Variants in FXYD6 observed in about 807,000 individuals in gnomAD.
FXYD6 encodes FXYD domain containing ion transport regulator 6, also known as FXYD domain-containing ion transport regulator 6.
In FXYD6, 7 loss-of-function variants were observed where a neutral mutation model predicts 16.7. That is an observed-to-expected ratio of 0.42 (90% CI 0.24 to 0.79). The LOEUF is 0.79. Among genes scored for constraint, FXYD6 ranks in the 30% least tolerant of loss-of-function variants. The pLI is 0.28. For missense variants in FXYD6, 111 were observed against 116.2 expected (o/e 0.95, Z 0.21); for synonymous variants, 49 against 43.0 (o/e 1.14, Z -0.54).
intron 1 of FXYD6, among the ~76,000 whole-genome samples, chr11:117,847,172 A>G (rs562378363): frequency 1.3e-5 from 2 of 152,274 alleles, no homozygotes; most frequent in South Asian, 4.1e-4. Flanking sequence ...TTGCTGGTAG[A>G]GAGAAAAGCA....
At position 117,838,232 on chromosome 11, in the gene FXYD6, G is replaced by A. The variant is rs761820841; in HGVS notation, c.*67C>T. ...GAAGTGGCCGGTTTTCTTAAGCATCGACATTTGCATCCAAAGGTTCAAGCA... is the reference window on the plus strand; with the variant it reads ...GAAGTGGCCGGTTTTCTTAAGCATCAACATTTGCATCCAAAGGTTCAAGCA... On this transcript the variant is annotated 3_prime_UTR_variant, in exon 8 of 8. Transcript: ENST00000526014. 9 of 702,374 alleles carry A rather than the reference G, an allele frequency of 1.3e-5. 2 individuals carry two copies. The highest frequency in any genetic ancestry group is 1.0e-4 in the South Asian group (7 of 67,598). The allele number at this position is 702,374 out of a possible 1,614,324, so 43.5% of individuals were successfully genotyped here. A position where few individuals can be genotyped will look rare whatever the true frequency, so the allele number is the denominator to read the frequency against.
At chr11:117,856,206 G>T (rs1032779149) in intron 1 of FXYD6, among the ~76,000 whole-genome samples, 5 of 152,114 alleles carry the variant, frequency 3.3e-5, no homozygotes, top group Admixed American at 1.3e-4. Flanking sequence ...GGTAAAAACT[G>T]CTCAGAAAGA....
At chr11:117,875,753 C>T (rs2057246384) in intron 1 of FXYD6, among the ~76,000 whole-genome samples, 1 of 152,172 alleles carries the variant, frequency 6.6e-6, no homozygotes, top group African/African-American at 2.4e-5. Flanking sequence ...TGCAGGCTTG[C>T]AGCAGGTGAC....
At chr11:117,841,888 G>C (rs767855266) in intron 3 of FXYD6, 23 bp from the exon 4 acceptor site, 75 of 1,613,954 alleles carry the variant, frequency 4.6e-5, no homozygotes, top group Middle Eastern at 3.3e-4. Flanking sequence ...CCAAGGGTGA[G>C]AGAGGAAGGG....
rs7937921 is a variant in FXYD6 at position 117,870,336 on chromosome 11, G to A, written c.-6+6256C>T. On this transcript the variant is annotated intron_variant, in intron 1 of 7. Coordinates refer to ENST00000526014, the MANE Select transcript of FXYD6 (RefSeq NM_022003.4). This position sits in a 1 kb window ranked among gnomAD's most constrained non-coding sequence, Gnocchi z 4.2. ...AGGCTGGGGCCCCAGCAGGCTGCAC[G>A]CCCCAGCAGGGCGTGATGGAGTCAG... is the stretch of plus-strand genomic sequence containing the variant. Among the ~76,000 whole-genome samples the A allele has an allele frequency of 0.21, 32,220 of 152,078 alleles. 4,246 individuals carry two copies. The highest frequency in any genetic ancestry group is 0.33 in the Admixed American group (5,087 of 15,280).
chr11:117,838,072 G>T lies in FXYD6; in HGVS notation c.*227C>A. On this transcript the variant is annotated 3_prime_UTR_variant, in exon 8 of 8. Coordinates refer to ENST00000526014, the MANE Select transcript of FXYD6 (RefSeq NM_022003.4). ...ACACACACACACACACACACATCAC[G>T]GGAGGTGGGCAGGACCGCAGGCTGC... is the stretch of plus-strand genomic sequence containing the variant. 1.5e-6 allele frequency: 1 copy of T among 674,144 alleles called. No individual in the cohort carries two copies. The highest frequency in any genetic ancestry group is 2.1e-5 in the Admixed American group (1 of 48,714). 41.8% of individuals were successfully genotyped at this position (674,144 alleles called of 1,614,324 possible).
chr11:117,864,961 G>A (rs2056984627), intron 1 of FXYD6, among the ~76,000 whole-genome samples: 1 of 152,134 alleles, frequency 6.6e-6, no homozygotes, highest in African/African-American at 2.4e-5. Flanking sequence ...CCACAGAGTG[G>A]AAGGAAATAT....
rs111374078 is a variant in FXYD6 at position 117,872,674 on chromosome 11, T to C, written c.-6+3918A>G. Among the ~76,000 whole-genome samples, 718 of 152,334 alleles carry C rather than the reference T, an allele frequency of 4.7e-3. 7 individuals are homozygous for C. Among genetic ancestry groups the C allele is most frequent in the African/African-American group, 0.017 (690 of 41,574 alleles). On this transcript the variant is annotated intron_variant, in intron 1 of 7. Coordinates refer to ENST00000526014, the MANE Select transcript of FXYD6 (RefSeq NM_022003.4). This position sits in a 1 kb window ranked among gnomAD's most constrained non-coding sequence, Gnocchi z 4.9. ...CAGCCCCATTCCCATGGCCCCAGCC[T>C]GGTCCGTGGGGGCCCAGCCCCTTTC...
At position 117,837,909 on chromosome 11, in the gene FXYD6, C is replaced by A. The variant is rs571637164; in HGVS notation, c.*390G>T. On this transcript the variant is annotated 3_prime_UTR_variant, in exon 8 of 8. Transcript: ENST00000526014. The surrounding 1 kb of genome is among the most constrained non-coding windows in gnomAD (Gnocchi z 4.4). ...AGGAGCAGAAGGTGATGGAGGGCCA[C>A]GGGGGCAGGGAGGAGCAGATGGCCA... The A allele has an allele frequency of 2.5e-6, 1 of 394,824 alleles. No homozygotes were observed. The highest frequency in any genetic ancestry group is 4.6e-6 in the Non-Finnish European group (1 of 215,150). 24.5% of individuals were successfully genotyped at this position (394,824 alleles called of 1,614,324 possible). A position where few individuals can be genotyped will look rare whatever the true frequency, so the allele number is the denominator to read the frequency against.
At chr11:117,853,882 T>G (rs1016551466) in intron 1 of FXYD6, among the ~76,000 whole-genome samples, 3 of 152,194 alleles carry the variant, frequency 2.0e-5, no homozygotes, top group Non-Finnish European at 2.9e-5. Context: ...TGGATGATTT[T>G]CATTCCTTCT....
intron 1 of FXYD6, among the ~76,000 whole-genome samples, chr11:117,859,944 G>A (rs1474994363): frequency 6.6e-6 from 1 of 152,092 alleles, no homozygotes; most frequent in Non-Finnish European, 1.5e-5. Context: ...TGGGGTCATG[G>A]GAGAGGCCTA....
chr11:117,868,980 G>A (rs1205753669), intron 1 of FXYD6: 5 of 152,162 alleles, frequency 3.3e-5, no homozygotes, highest in Admixed American at 3.3e-4. Flanking sequence ...ACCATCAAGG[G>A]CTTTTAAAGC....
intron 1 of FXYD6, among the ~76,000 whole-genome samples, chr11:117,873,767 C>G (rs914509303): frequency 6.6e-6 from 1 of 151,830 alleles, no homozygotes; most frequent in African/African-American, 2.4e-5. Context: ...TGGACTCCCC[C>G]GAGGCTGTCG....
At chr11:117,840,549 T>C (rs1285373890) in intron 5 of FXYD6, among the ~76,000 whole-genome samples, 181 bp from the exon 6 acceptor site, 1 of 151,994 alleles carries the variant, frequency 6.6e-6, no homozygotes, top group Non-Finnish European at 1.5e-5. Flanking sequence ...GACTGAAGGG[T>C]CAGACTCAGA....
rs568225046 is a variant in FXYD6, at chr11:117,857,720, T to C, written c.-5-14939A>G. Among the ~76,000 whole-genome samples the C allele has an allele frequency of 2.6e-5, 4 of 152,304 alleles. No individual in the cohort carries two copies. The South Asian group carries it at 8.3e-4, about 32-fold the overall frequency. ...CCACACCCGGCCCAGGTGGAATATT[T>C]ATATTCCTAAGACCTTAGCAAGTCT... On this transcript the variant is annotated intron_variant, in intron 1 of 7. Coordinates refer to ENST00000526014, the MANE Select transcript of FXYD6 (RefSeq NM_022003.4).
At chr11:117,841,539 A>G (rs2134134967) in intron 4 of FXYD6, 1 of 596,178 alleles carries the variant, frequency 1.7e-6, no homozygotes, top group Non-Finnish European at 3.0e-6. Context: ...CTATAGACAC[A>G]GCACTGGGAA....
chr11:117,857,053 G>A (rs781267255), intron 1 of FXYD6, among the ~76,000 whole-genome samples: 2 of 152,296 alleles, frequency 1.3e-5, no homozygotes, highest in Admixed American at 6.5e-5. Context: ...GGAAGAGGGC[G>A]AGGCCCTGCA....
In FXYD6 at chr11:117,870,140, TG is replaced by T. The variant is rs1328353630; in HGVS notation, c.-6+6451del. 6.6e-6 allele frequency among the ~76,000 whole-genome samples: 1 copy of T among 152,248 alleles called. No individual in the cohort carries two copies. Among genetic ancestry groups the T allele is most frequent in the Non-Finnish European group, 1.5e-5 (1 of 68,036 alleles). On this transcript the variant is annotated intron_variant, in intron 1 of 7. Coordinates refer to ENST00000526014, the MANE Select transcript of FXYD6 (RefSeq NM_022003.4). The surrounding 1 kb of genome is among the most constrained non-coding windows in gnomAD (Gnocchi z 4.2). ...CAGAAGCAGAAACACAGAACAGTAC[TG>T]CGAGGCCAACTCAGGCACAGGCCAA...
intron 1 of FXYD6, 76 bp from the exon 2 acceptor site, chr11:117,842,857 C>T: frequency 6.7e-7 from 1 of 1,490,880 alleles, no homozygotes; most frequent in Non-Finnish European, 9.1e-7. Context: ...TCAGCCTGAC[C>T]AGGGGCCAAG....
Sources: gnomAD v4.1 joint callset for allele counts (sites outside exome capture counted in the v4.1 genomes callset) on GRCh38, gnomAD v4.1.1 for gene constraint, Gnocchi (gnomAD v3.1) non-coding constraint, MANE v1.5 for transcripts, NCBI Gene and HGNC (gene_info 2026-07-23, HGNC 2026-07-21) for gene names.